Variants in PDLIM5 observed in about 807,000 individuals in gnomAD.
PDLIM5 encodes the protein PDZ and LIM domain protein 5.
A neutral mutation model predicts 64.2 loss-of-function variants in PDLIM5; 34 were observed. The observed-to-expected ratio is 0.53, with a 90% CI of 0.40 to 0.71. The LOEUF is 0.71. PDLIM5 is among the 30% of genes least tolerant of loss of function. The pLI is 0.00. For missense variants in PDLIM5, 683 were observed against 733.6 expected (o/e 0.93, Z 0.80); for synonymous variants, 253 against 269.1 (o/e 0.94, Z 0.59).
Position 94,451,984 on chromosome 4 carries a change from G to A in PDLIM5, c.-54G>A, listed in dbSNP as rs1347803743. ...TGAGGCGGAGGCAGCCCCGCGCCGC[G>A]CCGGACCCGAGGTGAGTGGCGGCCG... On this transcript the variant is annotated 5_prime_UTR_variant, in exon 1 of 13. Transcript: ENST00000317968. The A allele has an allele frequency of 1.3e-5, 2 of 152,308 alleles. No individual in the cohort carries two copies. Among genetic ancestry groups the A allele is most frequent in the Non-Finnish European group, 2.9e-5 (2 of 68,138 alleles). The allele number at this position is 152,308 out of a possible 1,614,324, so 9.4% of individuals were successfully genotyped here. A position where few individuals can be genotyped will look rare whatever the true frequency, so the allele number is the denominator to read the frequency against.
At chr4:94,473,041 A>G (rs917102931) in intron 2 of PDLIM5, among the ~76,000 whole-genome samples, 2 of 149,880 alleles carry the variant, frequency 1.3e-5, no homozygotes, top group Non-Finnish European at 3.0e-5. Flanking sequence ...AAAGAGTGGC[A>G]GTTGCATGGG....
intron 2 of PDLIM5, among the ~76,000 whole-genome samples, chr4:94,511,436 C>T (rs1302944804): frequency 6.6e-6 from 1 of 152,056 alleles, no homozygotes; most frequent in Non-Finnish European, 1.5e-5. Flanking sequence ...GGGTCTCCAT[C>T]CCCTGAAGCA....
intron 2 of PDLIM5, among the ~76,000 whole-genome samples, chr4:94,469,249 CA>C (rs1210667431): frequency 6.6e-6 from 1 of 151,980 alleles, no homozygotes; most frequent in East Asian, 1.9e-4. Context: ...ACAAAAAAAA[CA>C]AAAAACATAA....
chr4:94,558,499 A>G (rs1186291783), intron 3 of PDLIM5, among the ~76,000 whole-genome samples: 1 of 152,228 alleles, frequency 6.6e-6, no homozygotes, highest in Non-Finnish European at 1.5e-5. Flanking sequence ...TCCTGTCTAC[A>G]TATGAGTGTT....
At chr4:94,567,398 A>AT (rs1734434938) in intron 3 of PDLIM5, among the ~76,000 whole-genome samples, 1 of 152,182 alleles carries the variant, frequency 6.6e-6, no homozygotes, top group Admixed American at 6.5e-5. Flanking sequence ...ATAAAAATAT[A>AT]TTTTTTATCT....
At chr4:94,479,355 G>T (rs1162405809) in intron 2 of PDLIM5, among the ~76,000 whole-genome samples, 3 of 141,832 alleles carry the variant, frequency 2.1e-5, no homozygotes, top group African/African-American at 7.9e-5. Context: ...TTGAGACAGG[G>T]TCTCACTCTT....
At chr4:94,573,590 A>C in intron 4 of PDLIM5, 197 bp downstream of exon 4, 4 of 605,604 alleles carry the variant, frequency 6.6e-6, no homozygotes, top group Non-Finnish European at 1.2e-5. Flanking sequence ...TACATGTTAT[A>C]AAACATTATT....
At chr4:94,625,855 G>C (rs1033639929) in intron 8 of PDLIM5, among the ~76,000 whole-genome samples, 3 of 152,176 alleles carry the variant, frequency 2.0e-5, no homozygotes, top group African/African-American at 7.2e-5. Flanking sequence ...TAGGTGATAT[G>C]TATATAAGCT....
At chr4:94,464,795 G>C (rs1724206717) in intron 2 of PDLIM5, among the ~76,000 whole-genome samples, 1 of 152,196 alleles carries the variant, frequency 6.6e-6, no homozygotes, top group South Asian at 2.1e-4. Context: ...TATTCTGGAA[G>C]ATTCTGGTTA....
rs375798730 is a variant in PDLIM5, at chr4:94,605,791, C to T, written c.921-12213C>T. Among the ~76,000 whole-genome samples the T allele has an allele frequency of 2.6e-5, 4 of 151,464 alleles. No individual in the cohort carries two copies. In the East Asian group the frequency reaches 7.8e-4, roughly 29 times the overall value. On this transcript the variant is annotated intron_variant, in intron 7 of 12. Coordinates refer to ENST00000317968, the MANE Select transcript of PDLIM5 (RefSeq NM_006457.5). The stretch of plus-strand genomic sequence containing the variant: ...ATATGAAATTTATTCTCAAATGGCA[C>T]TCAGCTTTTTTCCAATCAGCATATT...
chr4:94,612,895 T>A (rs1560740393), intron 7 of PDLIM5, among the ~76,000 whole-genome samples: 1 of 151,282 alleles, frequency 6.6e-6, no homozygotes, highest in Non-Finnish European at 1.5e-5. Context: ...TAGTTTTTAT[T>A]TATTTTTTTC....
At chr4:94,623,848 A>T (rs1337653066) in intron 8 of PDLIM5, among the ~76,000 whole-genome samples, 2 of 152,232 alleles carry the variant, frequency 1.3e-5, no homozygotes, top group Non-Finnish European at 2.9e-5. Flanking sequence ...ATTAGAAAAT[A>T]AGCATGTTGC....
intron 2 of PDLIM5, among the ~76,000 whole-genome samples, chr4:94,486,840 A>G (rs1191828770): frequency 6.6e-6 from 1 of 152,096 alleles, no homozygotes; most frequent in African/African-American, 2.4e-5. Flanking sequence ...TGTCTCTACA[A>G]AAAAGTTAAA....
intron 7 of PDLIM5, among the ~76,000 whole-genome samples, chr4:94,615,881 T>C (rs1438783329): frequency 1.3e-5 from 2 of 152,208 alleles, no homozygotes; most frequent in Non-Finnish European, 2.9e-5. Context: ...AGAGTGAATC[T>C]GCAGGTCAGA....
At chr4:94,639,631 A>C (rs1300107161) in intron 8 of PDLIM5, among the ~76,000 whole-genome samples, 1 of 152,230 alleles carries the variant, frequency 6.6e-6, no homozygotes, top group Admixed American at 6.5e-5. Context: ...CAGAGAGAAT[A>C]TAGTGAGTTA....
chr4:94,515,942 C>T (rs1402511573), intron 2 of PDLIM5, among the ~76,000 whole-genome samples: 1 of 152,170 alleles, frequency 6.6e-6, no homozygotes. Flanking sequence ...GACTATCATA[C>T]TTTCACATTT....
rs1250722904 is a variant in PDLIM5, at chr4:94,611,031, T to C, written c.921-6973T>C. ...GAACTACTGTCTGCTATTGGTAGTG[T>C]GATTTTTGACTTAAAACTCTTTCTA... On this transcript the variant is annotated intron_variant, in intron 7 of 12. Transcript: ENST00000317968. 8 of 1,488,292 alleles carry C rather than the reference T, an allele frequency of 5.4e-6. No individual in the cohort carries two copies. The East Asian group carries it at 1.7e-4, about 32-fold the overall frequency. The allele number at this position is 1,488,292 out of a possible 1,614,324, so 92.2% of individuals were successfully genotyped here.
intron 2 of PDLIM5, among the ~76,000 whole-genome samples, chr4:94,471,415 A>G (rs1183439174): frequency 1.3e-5 from 2 of 152,166 alleles, no homozygotes; most frequent in African/African-American, 4.8e-5. Flanking sequence ...TCAGTTAACC[A>G]TGATTATATA....
At chr4:94,523,263 T>G (rs1729991077) in intron 2 of PDLIM5, among the ~76,000 whole-genome samples, 2 of 152,218 alleles carry the variant, frequency 1.3e-5, no homozygotes, top group South Asian at 2.1e-4. Context: ...AAGGATTGTT[T>G]AGCAGATCTT....
Sources: allele counts gnomAD v4.1 joint callset (sites outside exome capture counted in the v4.1 genomes callset), GRCh38; gene constraint gnomAD v4.1.1; transcripts MANE v1.5; gene names NCBI Gene and HGNC (gene_info 2026-07-23, HGNC 2026-07-21).